The following ZFP1 variants were observed in gnomAD, a reference collection of about 807,000 sequenced individuals.
ZFP1 encodes the protein zinc finger protein 1 homolog.
Under a neutral mutation model 38.5 loss-of-function variants are expected in ZFP1, and 32 were observed. The ratio of observed to expected loss-of-function variants is 0.83; its 90% CI spans 0.63 to 1.12. ZFP1 has a LOEUF of 1.12. ZFP1 is among the 50% of genes most tolerant of loss of function. The pLI is 0.00. For synonymous variants in ZFP1, 245 were observed against 168.8 expected, an observed-to-expected ratio of 1.45 and a Z score of -3.50; for missense variants, 616 against 480.8, an observed-to-expected ratio of 1.28 and a Z score of -2.63.
At chr16:75,124,766 A>T in the ZFP1 span, among the ~76,000 whole-genome samples, 1 of 144,334 alleles carries the variant, frequency 6.9e-6, no homozygotes, top group South Asian at 2.3e-4. Flanking sequence ...CAGCCTGGGC[A>T]ACAGAGCAAG....
At chr16:75,135,251 G>C in the ZFP1 span, among the ~76,000 whole-genome samples, 1 of 2,136 alleles carries the variant, frequency 4.7e-4, no homozygotes, top group African/African-American at 2.2e-3. Context: ...AAACAGCCAA[G>C]AGATCCTTCA....
the ZFP1 span, among the ~76,000 whole-genome samples, chr16:75,134,986 G>A: frequency 1.2e-4 from 18 of 151,416 alleles, 1 homozygote; most frequent in East Asian, 1.6e-3. Context: ...CCCAGGAGGC[G>A]GTGTTTGCGA....
At chr16:75,161,774 A>ATTTTTTTTT (rs200925992) in intron 2 of ZFP1, among the ~76,000 whole-genome samples, 2 of 7,820 alleles carry the variant, frequency 2.6e-4, no homozygotes, top group Non-Finnish European at 5.6e-4. Flanking sequence ...ATATATATAT[A>ATTTTTTTTT]TTTTTTTTTT....
At chr16:75,166,979 AT>A in intron 3 of ZFP1, 83 bp downstream of exon 3, 1 of 1,535,296 alleles carries the variant, frequency 6.5e-7, no homozygotes, top group Non-Finnish European at 8.8e-7. Context: ...GAGCTTCTGA[AT>A]TACTAAATGT....
At chr16:75,153,541 T>C (rs1157184835) in intron 2 of ZFP1, among the ~76,000 whole-genome samples, 1 of 152,300 alleles carries the variant, frequency 6.6e-6, no homozygotes, top group Non-Finnish European at 1.5e-5. Flanking sequence ...TTTTAATAGA[T>C]TTCATTTTTT....
the ZFP1 span, among the ~76,000 whole-genome samples, chr16:75,142,057 GAAA>G: frequency 3.4e-5 from 4 of 118,998 alleles, no homozygotes; most frequent in African/African-American, 9.2e-5. Flanking sequence ...CCATCTCAAA[GAAA>G]AAAAAAAAAA....
intron 3 of ZFP1, 43 bp from the exon 4 acceptor site, chr16:75,169,210 G>C: frequency 6.4e-7 from 1 of 1,553,750 alleles, no homozygotes; most frequent in East Asian, 2.2e-5. Context: ...CATTATAGCG[G>C]AGGCATTGAC....
the ZFP1 span, among the ~76,000 whole-genome samples, chr16:75,122,148 A>G: frequency 6.6e-6 from 1 of 152,234 alleles, no homozygotes; most frequent in Non-Finnish European, 1.5e-5. Context: ...CTCGCAGATG[A>G]AACAATGGTG....
At position 75,170,623 on chromosome 16, in the gene ZFP1, T is replaced by G. The variant is rs1437296641; in HGVS notation, c.*289T>G. 6.8e-6 allele frequency: 2 copies of G among 292,658 alleles called. No homozygotes were observed. Among genetic ancestry groups the G allele is most frequent in the Non-Finnish European group, 1.3e-5 (2 of 159,234 alleles). The allele number at this position is 292,658 out of a possible 1,614,324, so 18.1% of individuals were successfully genotyped here. A position where few individuals can be genotyped will look rare whatever the true frequency, so the allele number is the denominator to read the frequency against. On this transcript the variant is annotated 3_prime_UTR_variant, in exon 4 of 4. Coordinates refer to ENST00000570010, the MANE Select transcript of ZFP1 (RefSeq NM_153688.4). ...GAATTGAGTATTCTAGACAGCAGCA[T>G]AAGAAATATACAAACAGTATCCTAT...
the ZFP1 span, among the ~76,000 whole-genome samples, chr16:75,142,424 C>T: frequency 6.6e-6 from 1 of 151,912 alleles, no homozygotes; most frequent in East Asian, 1.9e-4. Flanking sequence ...AAACGTCCTG[C>T]TGTAACCCTA....
In ZFP1 at chr16:75,152,900, C is replaced by T; in HGVS notation, c.-43-9C>T. On this transcript the variant is annotated splice_polypyrimidine_tract_variant and intron_variant, in intron 1 of 3. Transcript: ENST00000570010. ...TAATAACAATGCCTTCCTTTTTCCT[C>T]TATTCCAGTTCTGCCTTCATAGTTC... 2 of 1,609,312 alleles carry T rather than the reference C, an allele frequency of 1.2e-6. No individual in the cohort carries two copies. The highest frequency in any genetic ancestry group is 1.3e-5 in the African/African-American group (1 of 74,660).
chr16:75,166,473 G>A (rs372919289), intron 2 of ZFP1: 251 of 890,870 alleles, frequency 2.8e-4, no homozygotes, highest in Middle Eastern at 5.6e-4. Context: ...TGATTCCCCC[G>A]CCCACCTAGC....
upstream of ZFP1, among the ~76,000 whole-genome samples, chr16:75,143,766 C>T (rs2036912828): frequency 6.6e-6 from 1 of 151,324 alleles, no homozygotes; most frequent in Non-Finnish European, 1.5e-5. Flanking sequence ...AACCTCCCAC[C>T]TCAGCTTCCA....
chr16:75,162,592 T>G (rs76410663), intron 2 of ZFP1, among the ~76,000 whole-genome samples: 8,726 of 152,268 alleles, frequency 0.057, 827 homozygotes, highest in African/African-American at 0.19. Flanking sequence ...TTTATGATGG[T>G]GACGTTTGGG....
the ZFP1 span, among the ~76,000 whole-genome samples, chr16:75,128,404 G>A: frequency 1.3e-5 from 2 of 152,318 alleles, no homozygotes; most frequent in South Asian, 2.1e-4. Flanking sequence ...TTGCTGTAGT[G>A]TATACAAATA....
intron 2 of ZFP1, among the ~76,000 whole-genome samples, chr16:75,166,004 T>TA (rs1217775556): frequency 6.6e-6 from 1 of 151,962 alleles, no homozygotes; most frequent in Non-Finnish European, 1.5e-5. Flanking sequence ...ATGTATTTTT[T>TA]AAAAAAATTT....
the ZFP1 span, among the ~76,000 whole-genome samples, chr16:75,140,755 C>G: frequency 7.9e-5 from 12 of 152,266 alleles, no homozygotes; most frequent in East Asian, 1.4e-3. Flanking sequence ...GTCAGGAGAT[C>G]GAGACCATCC....
intron 2 of ZFP1, among the ~76,000 whole-genome samples, chr16:75,155,319 A>G (rs1472177300): frequency 8.5e-5 from 13 of 152,126 alleles, no homozygotes; most frequent in Non-Finnish European, 1.8e-4. Context: ...TTTTTTGTAG[A>G]GATGGAGTTT....
chr16:75,142,018 C>T, the ZFP1 span, among the ~76,000 whole-genome samples: 1 of 148,274 alleles, frequency 6.7e-6, no homozygotes, highest in Non-Finnish European at 1.5e-5. Context: ...CGCGCCACTG[C>T]ACTCCAGCCT....
Sources: gnomAD v4.1 joint callset for allele counts (sites outside exome capture counted in the v4.1 genomes callset) on GRCh38, gnomAD v4.1.1 for gene constraint, MANE v1.5 for transcripts, NCBI Gene and HGNC (gene_info 2026-07-23, HGNC 2026-07-21) for gene names.